Variants in HECA observed in about 807,000 individuals in gnomAD.
HECA encodes HECA ribonucleoprotein granule regulator, also known as headcase protein homolog.
HECA carries 13 observed loss-of-function variants against 37.6 expected under a neutral mutation model. That is an observed-to-expected ratio of 0.35 (90% CI 0.23 to 0.55). HECA has a LOEUF of 0.55. Ranked by LOEUF, HECA falls within the 20% of genes least tolerant of loss-of-function variation. The pLI is 0.90. For synonymous variants in HECA, 307 were observed against 291.5 expected, an observed-to-expected ratio of 1.05 and a Z score of -0.54; for missense variants, 527 against 701.9, an observed-to-expected ratio of 0.75 and a Z score of 2.82.
rs1367386268 is a variant in HECA at position 139,177,914 on chromosome 6, T to A, written c.*809T>A. The A allele has an allele frequency of 3.3e-5, 5 of 152,202 alleles. No homozygotes were observed. The highest frequency in any genetic ancestry group is 1.2e-4 in the African/African-American group (5 of 41,460). 9.4% of individuals were successfully genotyped at this position (152,202 alleles called of 1,614,324 possible). A position where few individuals can be genotyped will look rare whatever the true frequency, so the allele number is the denominator to read the frequency against. ...TGATGATTTATTACAGGTTGCACTG[T>A]TGAAGTGTCATTTGGTGTCAGGTTC... On this transcript the variant is annotated 3_prime_UTR_variant, in exon 4 of 4. Coordinates refer to ENST00000367658, the MANE Select transcript of HECA (RefSeq NM_016217.3). This position sits in a 1 kb window ranked among gnomAD's most constrained non-coding sequence, Gnocchi z 4.9.
chr6:139,178,621 C>T lies in HECA; in HGVS notation c.*1516C>T, dbSNP rs988926439. 2 of 147,898 alleles carry T rather than the reference C, an allele frequency of 1.4e-5. No homozygotes were observed. Among genetic ancestry groups the T allele is most frequent in the Non-Finnish European group, 3.0e-5 (2 of 67,618 alleles). The allele number at this position is 147,898 out of a possible 1,614,324, so 9.2% of individuals were successfully genotyped here. A position where few individuals can be genotyped will look rare whatever the true frequency, so the allele number is the denominator to read the frequency against. On this transcript the variant is annotated 3_prime_UTR_variant, in exon 4 of 4. Coordinates refer to ENST00000367658, the MANE Select transcript of HECA (RefSeq NM_016217.3). ...TGGAGTCTCACTCTTGTCACCCAGG[C>T]TGGAGTGCAGTAGTGCGATCTCAGC...
chr6:139,152,053 T>A (rs1414122772), intron 1 of HECA, among the ~76,000 whole-genome samples: 1 of 152,184 alleles, frequency 6.6e-6, no homozygotes, highest in East Asian at 1.9e-4. Flanking sequence ...TTTGATACTT[T>A]TAAGAAACAT....
Position 139,166,748 on chromosome 6 carries a change from G to T in HECA, c.736G>T (p.Asp246Tyr). ...CGACCTCCCCCGCCGGCATTCCATGGACCGGCAGAACTCCCAGGAGAAGGC... is the reference window on the plus strand; with the variant it reads ...CGACCTCCCCCGCCGGCATTCCATGTACCGGCAGAACTCCCAGGAGAAGGC... ...SHDLPRRHSM[D>Y]RQNSQEKAVG... The change falls in exon 2 of 4, where the codon GAC becomes TAC. Residue 246 changes from aspartate (D) to tyrosine (Y), a missense_variant. Physicochemically the swap from Asp to Tyr is radical, Grantham distance 160. Transcript: ENST00000367658. 1 of 1,613,724 alleles carries T rather than the reference G, an allele frequency of 6.2e-7. No individual in the cohort carries two copies. The highest frequency in any genetic ancestry group is 8.5e-7 in the Non-Finnish European group (1 of 1,179,876).
intron 1 of HECA, among the ~76,000 whole-genome samples, chr6:139,141,749 C>CCTT (rs57035380): frequency 0.19 from 12,102 of 63,096 alleles, 996 homozygotes; most frequent in African/African-American, 0.35. Flanking sequence ...GGCCTAAACA[C>CCTT]CTTCTTTTTT....
intron 1 of HECA, chr6:139,159,296 G>A (rs1360818897): frequency 2.0e-5 from 3 of 152,082 alleles, no homozygotes; most frequent in Non-Finnish European, 4.4e-5. Flanking sequence ...ACCCTAAGAG[G>A]ACCATGCTCT....
intron 1 of HECA, among the ~76,000 whole-genome samples, chr6:139,161,866 A>G (rs1291478815): frequency 1.3e-5 from 2 of 152,214 alleles, no homozygotes; most frequent in East Asian, 1.9e-4. Flanking sequence ...TAATTGACCA[A>G]TTAACATTTT....
chr6:139,153,829 T>A (rs900193054), intron 1 of HECA, among the ~76,000 whole-genome samples: 4 of 152,252 alleles, frequency 2.6e-5, no homozygotes, highest in Non-Finnish European at 5.9e-5. Context: ...TTATTGATCA[T>A]CCTATCATAT....
intron 1 of HECA, among the ~76,000 whole-genome samples, chr6:139,150,573 G>A (rs9484239): frequency 0.11 from 17,136 of 150,958 alleles, 1,496 homozygotes; most frequent in African/African-American, 0.22. Context: ...TTGGACATAT[G>A]AGTTAGAATT....
At chr6:139,173,920 C>T (rs1265552314) in intron 2 of HECA, among the ~76,000 whole-genome samples, 1 of 152,188 alleles carries the variant, frequency 6.6e-6, no homozygotes, top group Non-Finnish European at 1.5e-5. Flanking sequence ...TAATTCTGGG[C>T]TATCAGTCCC....
intron 1 of HECA, among the ~76,000 whole-genome samples, chr6:139,141,913 C>G (rs1383997560): frequency 4.8e-5 from 7 of 144,614 alleles, no homozygotes; most frequent in Non-Finnish European, 9.0e-5. Flanking sequence ...CCACCATGCC[C>G]AGCTAATTTT....
Position 139,135,598 on chromosome 6 carries a change from G to A in HECA, c.202G>A (p.Gly68Ser). ...PGAGGAAGAG[G>S]AGTGAANAAA... ...CGCCGGAGGCGCGGCGGGCGCCGGA[G>A]GCGCGGGGACTGGCGCCGCGAACGC... The change falls in exon 1 of 4, where the codon GGC becomes AGC. Residue 68 changes from glycine to serine, a missense_variant. Coordinates refer to ENST00000367658, the MANE Select transcript of HECA (RefSeq NM_016217.3). The A allele has an allele frequency of 1.0e-6, 1 of 967,626 alleles. No individual in the cohort carries two copies. Among genetic ancestry groups the A allele is most frequent in the Non-Finnish European group, 1.2e-6 (1 of 817,538 alleles). 59.9% of individuals were successfully genotyped at this position (967,626 alleles called of 1,614,324 possible).
At chr6:139,158,330 G>A (rs565501159) in intron 1 of HECA, among the ~76,000 whole-genome samples, 2 of 151,938 alleles carry the variant, frequency 1.3e-5, no homozygotes, top group African/African-American at 2.4e-5. Flanking sequence ...GTGAAACTCC[G>A]TCTCTACTAA....
At chr6:139,153,279 G>A (rs1774674273) in intron 1 of HECA, 1 of 152,110 alleles carries the variant, frequency 6.6e-6, no homozygotes, top group Non-Finnish European at 1.5e-5. Context: ...AAATTTTTAA[G>A]TTGTCACACC....
chr6:139,170,739 C>T (rs1489257177), intron 2 of HECA, among the ~76,000 whole-genome samples: 1 of 151,822 alleles, frequency 6.6e-6, no homozygotes, highest in Admixed American at 6.6e-5. Context: ...AAGAACTTTG[C>T]TATATATTCT....
In HECA at chr6:139,166,308, T is replaced by C; in HGVS notation, c.296T>C (p.Ile99Thr). Residue 99 changes from isoleucine (I) to threonine (T), a missense_variant, in exon 2 of 4, where the codon ATC becomes ACC. By Grantham distance (89) the Ile-to-Thr change is moderately conservative (BLOSUM62 -1). Coordinates refer to ENST00000367658, the MANE Select transcript of HECA (RefSeq NM_016217.3). ...KNEAPCATPL[I>T]CSFGRPVDLE... ...GAAGCCCCATGTGCCACTCCCCTGATCTGCAGCTTCGGTAGGCCGGTGGAC... is the reference window on the plus strand; with the variant it reads ...GAAGCCCCATGTGCCACTCCCCTGACCTGCAGCTTCGGTAGGCCGGTGGAC... 1 of 1,610,470 alleles carries C rather than the reference T, an allele frequency of 6.2e-7. No individual in the cohort carries two copies. Among genetic ancestry groups the C allele is most frequent in the Non-Finnish European group, 8.5e-7 (1 of 1,177,496 alleles).
chr6:139,165,614 A>G (rs1774873164), intron 1 of HECA, among the ~76,000 whole-genome samples: 1 of 145,732 alleles, frequency 6.9e-6, no homozygotes, highest in African/African-American at 2.6e-5. Context: ...TGACTCTATC[A>G]TGTCTTTTTG....
At chr6:139,140,360 A>G (rs1774498768) in intron 1 of HECA, among the ~76,000 whole-genome samples, 1 of 152,194 alleles carries the variant, frequency 6.6e-6, no homozygotes, top group African/African-American at 2.4e-5. Flanking sequence ...CTCAAGAACT[A>G]TTTGCCTTTG....
chr6:139,167,545 G>A (rs982622049), intron 2 of HECA, among the ~76,000 whole-genome samples: 3 of 152,172 alleles, frequency 2.0e-5, no homozygotes, highest in Non-Finnish European at 4.4e-5. Context: ...ATAATTTTGT[G>A]TGTTCTGTAA....
rs1202354059 is a variant in HECA, at chr6:139,177,624, G to A, written c.*519G>A. The A allele has an allele frequency of 6.5e-6, 1 of 152,682 alleles. No homozygotes were observed. The highest frequency in any genetic ancestry group is 2.4e-5 in the African/African-American group (1 of 41,440). The allele number at this position is 152,682 out of a possible 1,614,324, so 9.5% of individuals were successfully genotyped here. A position where few individuals can be genotyped will look rare whatever the true frequency, so the allele number is the denominator to read the frequency against. The stretch of plus-strand genomic sequence containing the variant: ...GGCAGGCAGTTTACTCACACTGACA[G>A]GTGACCTGAAAGTGGCACAAGTGCT... On this transcript the variant is annotated 3_prime_UTR_variant, in exon 4 of 4. Transcript: ENST00000367658. This position sits in a 1 kb window ranked among gnomAD's most constrained non-coding sequence, Gnocchi z 4.9.
Sources: gnomAD v4.1 joint callset for allele counts (sites outside exome capture counted in the v4.1 genomes callset) on GRCh38, gnomAD v4.1.1 for gene constraint, Gnocchi (gnomAD v3.1) non-coding constraint, MANE v1.5 for transcripts, NCBI Gene and HGNC (gene_info 2026-07-23, HGNC 2026-07-21) for gene names.